DNAH9: variants seen among roughly 807,000 people sequenced by gnomAD.
DNAH9 encodes dynein axonemal heavy chain 9, also known as DNAH9 variant protein.
DNAH9 carries 345 observed loss-of-function variants against 471.6 expected under a neutral mutation model. The ratio of observed to expected loss-of-function variants is 0.73; its 90% CI spans 0.67 to 0.80. DNAH9 has a LOEUF of 0.80. Ranked by LOEUF, DNAH9 falls within the 30% of genes least tolerant of loss-of-function variation. DNAH9 has a pLI of 0.00. For synonymous variants in DNAH9, 2,093 were observed against 2,123.6 expected (o/e 0.99, Z 0.40); for missense variants, 5,407 against 5,609.2 (o/e 0.96, Z 1.15).
intron 2 of DNAH9, 49 bp downstream of exon 2, chr17:11,608,374 C>T (rs761735351): frequency 5.1e-6 from 7 of 1,376,324 alleles, no homozygotes; most frequent in South Asian, 5.0e-5. Context: ...ATGGGAGATG[C>T]TGGTTATCAG....
In DNAH9 at chr17:11,627,903, TC is replaced by T. The variant is rs2072998125; in HGVS notation, c.1351-1511del. On this transcript the variant is annotated intron_variant, in intron 6 of 68. Transcript: ENST00000262442. ...TGTCACTGCTGCTGGAGTTGGTGTG[TC>T]CCAGCAGGAAAAAGGAGCCAGGCAG... 5.3e-5 allele frequency among the ~76,000 whole-genome samples: 8 copies of T among 152,284 alleles called. No individual in the cohort carries two copies. The South Asian group carries it at 1.7e-3, about 32-fold the overall frequency.
At chr17:11,820,231 A>G (rs1390667019) in intron 45 of DNAH9, among the ~76,000 whole-genome samples, 6 of 151,992 alleles carry the variant, frequency 3.9e-5, no homozygotes, top group Non-Finnish European at 5.9e-5. Flanking sequence ...TCTAGTGTTT[A>G]TCCTTGCATT....
At position 11,704,362 on chromosome 17, in the gene DNAH9, G is replaced by A. The variant is rs2074659816; in HGVS notation, c.5311G>A (p.Gly1771Arg). 1.2e-6 allele frequency: 2 copies of A among 1,614,140 alleles called. No individual in the cohort carries two copies. Among genetic ancestry groups the A allele is most frequent in the Non-Finnish European group, 1.7e-6 (2 of 1,180,020 alleles). ...CATGCTGATTGGCCAGCTCTCCAAG[G>A]GAGACCGGCAGAAGATTATGACTAT... Reference protein sequence around the residue: ...ITMLIGQLSKGDRQKIMTICT... With the variant: ...ITMLIGQLSKRDRQKIMTICT... The change falls in exon 25 of 69, where the codon GGA (glycine) becomes AGA (arginine). Residue 1771 changes from glycine to arginine, a missense_variant. Coordinates refer to ENST00000262442, the MANE Select transcript of DNAH9 (RefSeq NM_001372.4).
intron 50 of DNAH9, among the ~76,000 whole-genome samples, chr17:11,856,518 T>G: frequency 7.3e-6 from 1 of 137,070 alleles, no homozygotes; most frequent in Non-Finnish European, 1.5e-5. Flanking sequence ...GCCACCATGG[T>G]GAAACCCCGT....
chr17:11,816,876 G>A (rs560429887), intron 45 of DNAH9, among the ~76,000 whole-genome samples: 1 of 151,954 alleles, frequency 6.6e-6, no homozygotes, highest in Non-Finnish European at 1.5e-5. Flanking sequence ...CCCAACTTTC[G>A]GTGAAACCTC....
At chr17:11,935,435 G>A (rs2151039831) in intron 65 of DNAH9, among the ~76,000 whole-genome samples, 1 of 149,486 alleles carries the variant, frequency 6.7e-6, no homozygotes, top group East Asian at 2.0e-4. Flanking sequence ...GAGTGGAATA[G>A]CGCGATCTCG....
At chr17:11,611,345 C>T (rs188290233) in intron 3 of DNAH9, among the ~76,000 whole-genome samples, 7 of 152,338 alleles carry the variant, frequency 4.6e-5, no homozygotes, top group East Asian at 1.9e-4. Flanking sequence ...GCTCCAATAA[C>T]GCCTCTCTCA....
intron 44 of DNAH9, among the ~76,000 whole-genome samples, chr17:11,808,286 T>C (rs77439010): frequency 0.056 from 8,583 of 152,278 alleles, 291 homozygotes; most frequent in African/African-American, 0.081. Context: ...ACCACTGGCC[T>C]CTGGGACCTT....
In DNAH9 at chr17:11,932,302, G is replaced by A. The variant is rs1974545135; in HGVS notation, c.12297+97G>A. The A allele has an allele frequency of 1.6e-6, 2 of 1,263,484 alleles. No homozygotes were observed. The highest frequency in any genetic ancestry group is 2.2e-6 in the Non-Finnish European group (2 of 923,454). The allele number at this position is 1,263,484 out of a possible 1,614,324, so 78.3% of individuals were successfully genotyped here. On this transcript the variant is annotated intron_variant, in intron 64 of 68. Coordinates refer to ENST00000262442, the MANE Select transcript of DNAH9 (RefSeq NM_001372.4). This position sits in a 1 kb window ranked among gnomAD's most constrained non-coding sequence, Gnocchi z 4.3. ...ATCAGAGGGGTCTAGGATGGGGCCT[G>A]AGAATGTGCATTTCTAACAAGCTCC...
chr17:11,803,784 C>T (rs1567813366), intron 43 of DNAH9, among the ~76,000 whole-genome samples: 1 of 152,154 alleles, frequency 6.6e-6, no homozygotes, highest in Non-Finnish European at 1.5e-5. Flanking sequence ...GTTGGGTGAC[C>T]CAGAGAACCC....
At chr17:11,700,057 C>T (rs796661042) in intron 23 of DNAH9, among the ~76,000 whole-genome samples, 174 bp downstream of exon 23, 31 of 152,332 alleles carry the variant, frequency 2.0e-4, no homozygotes, top group African/African-American at 7.5e-4. Context: ...GCAGCTGGCG[C>T]CCTGCTTTCC....
At chr17:11,830,468 T>C (rs1406405346) in intron 48 of DNAH9, among the ~76,000 whole-genome samples, 1 of 152,196 alleles carries the variant, frequency 6.6e-6, no homozygotes, top group Admixed American at 6.5e-5. Context: ...TCTCAGGTCA[T>C]CAAACTTACT....
chr17:11,896,910 G>A (rs1973236303), intron 59 of DNAH9, among the ~76,000 whole-genome samples: 1 of 152,202 alleles, frequency 6.6e-6, no homozygotes, highest in Admixed American at 6.5e-5. Flanking sequence ...GGCCAACATG[G>A]TGAAACCCCG....
At chr17:11,640,246 G>C (rs778301150) in intron 9 of DNAH9, 24 bp from the exon 10 acceptor site, 4 of 1,482,136 alleles carry the variant, frequency 2.7e-6, no homozygotes, top group East Asian at 2.3e-5. Context: ...GACTCATTTC[G>C]GTCTGTCTGT....
chr17:11,938,903 C>G (rs1386910018), intron 66 of DNAH9, among the ~76,000 whole-genome samples: 1 of 152,120 alleles, frequency 6.6e-6, no homozygotes, highest in Admixed American at 6.6e-5. Flanking sequence ...CCGGTCCTAG[C>G]TGGGTTCTTT....
chr17:11,598,804 T>C lies in DNAH9; in HGVS notation c.306T>C (p.Phe102=), dbSNP rs28507962. ...GCCTGGCTGGCGCTAAGGCGCTTTT[T>C]TTCCTTCGCACCGGGCCCGAGCCTC... ...ESGLAGAKAL[F]FLRTGPEPPG... Residue 102 remains phenylalanine (F), a synonymous_variant, in exon 1 of 69, where the codon TTT becomes TTC. Coordinates refer to ENST00000262442, the MANE Select transcript of DNAH9 (RefSeq NM_001372.4). 4,094 of 1,480,796 alleles carry C rather than the reference T, an allele frequency of 2.8e-3. 123 individuals carry two copies. The African/African-American group carries it at 0.055, about 20-fold the overall frequency. 91.7% of individuals were successfully genotyped at this position (1,480,796 alleles called of 1,614,324 possible).
chr17:11,649,479 G>T (rs185160655), intron 12 of DNAH9, among the ~76,000 whole-genome samples: 1 of 152,020 alleles, frequency 6.6e-6, no homozygotes, highest in African/African-American at 2.4e-5. Context: ...ATAAAGCATG[G>T]TATAAATAAT....
intron 50 of DNAH9, among the ~76,000 whole-genome samples, chr17:11,857,886 C>G (rs1479111674): frequency 1.3e-5 from 2 of 152,176 alleles, no homozygotes; most frequent in African/African-American, 4.8e-5. Flanking sequence ...TTGCCTTCCA[C>G]CATGAGTAGA....
chr17:11,807,743 A>C lies in DNAH9; in HGVS notation c.8432A>C (p.Asn2811Thr), dbSNP rs750825397. The C allele has an allele frequency of 6.2e-7, 1 of 1,606,902 alleles. No homozygotes were observed. The highest frequency in any genetic ancestry group is 8.5e-7 in the Non-Finnish European group (1 of 1,174,242). The part of the protein sequence containing the change: ...EDAMRHVCHI[N>T]RILESPRGNA... ...TTCCTTCTCTTTAGCTGCCATATCA[A>C]TCGCATCTTGGAGTCCCCGCGGGGA... The change falls in exon 44 of 69, where the codon AAT (asparagine) becomes ACT (threonine). Residue 2811 changes from asparagine to threonine, a missense_variant. This residue lies in a region of DNAH9 where 4,636 missense variants were observed against 4,900.3 expected (regional missense o/e 0.95). Transcript: ENST00000262442.
Sources: gnomAD v4.1 joint callset for allele counts (sites outside exome capture counted in the v4.1 genomes callset) on GRCh38, gnomAD v4.1.1 for gene constraint, gnomAD v4.1.1 regional missense constraint, Gnocchi (gnomAD v3.1) non-coding constraint, MANE v1.5 for transcripts, NCBI Gene and HGNC (gene_info 2026-07-23, HGNC 2026-07-21) for gene names.